The following NBAS variants were observed in gnomAD, a reference collection of about 807,000 sequenced individuals.
NBAS encodes NAG/BC035112 fusion.
In NBAS, 219 loss-of-function variants were observed where a neutral mutation model predicts 302.5. That is an observed-to-expected ratio of 0.72 (90% CI 0.65 to 0.81). The LOEUF (loss-of-function observed/expected upper bound fraction) is 0.81, where lower values mean the gene tolerates loss of function less well. Ranked by LOEUF, NBAS falls within the 30% of genes least tolerant of loss-of-function variation. The probability of loss-of-function intolerance (pLI) is 0.00; values close to 1 mark genes in which losing one functional copy is unlikely to be tolerated. For missense variants in NBAS, 2,932 were observed against 2,841.6 expected, an observed-to-expected ratio of 1.03 and a Z score of -0.72; for synonymous variants, 1,118 against 1,021.6, an observed-to-expected ratio of 1.09 and a Z score of -1.80.
chr2:14,846,801 C>CA, the NBAS span, among the ~76,000 whole-genome samples: 1 of 150,834 alleles, frequency 6.6e-6, no homozygotes, highest in South Asian at 2.1e-4. Flanking sequence ...AGCCTCAAAT[C>CA]AAAAAACATA....
Position 15,352,062 on chromosome 2 carries a change from T to C in NBAS, c.4109A>G (p.Asn1370Ser). The part of the protein sequence containing the change: ...LQTEILYQRV[N>S]FQIHHEGGEN... ...CCCTCCTTCATGATGGATCTGGAAA[T>C]TCACTCTTTGATAAAGAATCTAAAA... The change falls in exon 35 of 52, where the codon AAT (asparagine) becomes AGT (serine). Residue 1370 changes from asparagine (N) to serine (S), a missense_variant. By Grantham distance (46) the Asn-to-Ser change is conservative (BLOSUM62 1). Coordinates refer to ENST00000281513, the MANE Select transcript of NBAS (RefSeq NM_015909.4). 3.1e-6 allele frequency: 5 copies of C among 1,610,354 alleles called. No homozygotes were observed. Among genetic ancestry groups the C allele is most frequent in the Non-Finnish European group, 4.2e-6 (5 of 1,176,718 alleles).
intron 25 of NBAS, among the ~76,000 whole-genome samples, chr2:15,414,894 A>G (rs566417873): frequency 6.6e-6 from 1 of 152,286 alleles, no homozygotes; most frequent in East Asian, 1.9e-4. Flanking sequence ...GCAGTGAGCC[A>G]AGATCATGCC....
the NBAS span, among the ~76,000 whole-genome samples, chr2:14,845,889 C>T: frequency 6.6e-6 from 1 of 151,114 alleles, no homozygotes; most frequent in Non-Finnish European, 1.5e-5. Context: ...GAATAAAAAA[C>T]AAAGAAGCAA....
chr2:15,491,529 G>A (rs1408061979), intron 11 of NBAS, among the ~76,000 whole-genome samples: 1 of 152,170 alleles, frequency 6.6e-6, no homozygotes, highest in Non-Finnish European at 1.5e-5. Flanking sequence ...GAGGTCAGGA[G>A]ATCGAGACCA....
chr2:15,044,357 AC>A, the NBAS span, among the ~76,000 whole-genome samples: 1 of 152,048 alleles, frequency 6.6e-6, no homozygotes, highest in Non-Finnish European at 1.5e-5. Flanking sequence ...CAGCTCAGAA[AC>A]CCCCCGGTCC....
the NBAS span, among the ~76,000 whole-genome samples, chr2:15,032,307 T>C: frequency 6.6e-6 from 1 of 152,204 alleles, no homozygotes; most frequent in Non-Finnish European, 1.5e-5. Flanking sequence ...GAGACTGTTA[T>C]GAAGAAACTT....
intron 38 of NBAS, among the ~76,000 whole-genome samples, chr2:15,311,204 A>T (rs1671260278): frequency 6.6e-6 from 1 of 152,262 alleles, no homozygotes; most frequent in Non-Finnish European, 1.5e-5. Flanking sequence ...TACTCATATT[A>T]AGTGAGATAA....
chr2:15,200,614 TTA>T (rs1386723165), intron 48 of NBAS, among the ~76,000 whole-genome samples: 2 of 152,200 alleles, frequency 1.3e-5, no homozygotes, highest in Non-Finnish European at 2.9e-5. Flanking sequence ...CATCCTAGGA[TTA>T]TAAAGAACAA....
intron 5 of NBAS, among the ~76,000 whole-genome samples, chr2:15,551,916 C>A (rs891227197): frequency 4.6e-5 from 7 of 152,130 alleles, no homozygotes; most frequent in African/African-American, 1.7e-4. Context: ...AATTAAGAAC[C>A]ACTGGTCTGT....
the NBAS span, among the ~76,000 whole-genome samples, chr2:14,803,939 C>A: frequency 2.4e-3 from 366 of 152,264 alleles, no homozygotes; most frequent in African/African-American, 8.0e-3. Context: ...TGTGAGCCAC[C>A]GTGCCCAGCC....
intron 10 of NBAS, among the ~76,000 whole-genome samples, chr2:15,509,213 C>T (rs1237921751): frequency 6.6e-6 from 1 of 152,076 alleles, no homozygotes; most frequent in Admixed American, 6.6e-5. Context: ...GACAGAATTT[C>T]ATGGGGTGGC....
chr2:14,805,423 C>T, the NBAS span, among the ~76,000 whole-genome samples: 367 of 152,142 alleles, frequency 2.4e-3, no homozygotes, highest in African/African-American at 8.0e-3. Flanking sequence ...GATAAGGAGT[C>T]TGAACTTTAT....
intron 9 of NBAS, among the ~76,000 whole-genome samples, chr2:15,532,035 GCA>G (rs2148676317): frequency 6.6e-6 from 1 of 152,234 alleles, no homozygotes; most frequent in South Asian, 2.1e-4. Flanking sequence ...ACAGTATGTG[GCA>G]CAGAGTAGGA....
chr2:15,315,672 C>A (rs777610295), intron 38 of NBAS, among the ~76,000 whole-genome samples: 3 of 152,336 alleles, frequency 2.0e-5, no homozygotes, highest in Non-Finnish European at 2.9e-5. Context: ...CCACTCTCCA[C>A]AGGATTTGAG....
At chr2:14,868,183 G>A in the NBAS span, among the ~76,000 whole-genome samples, 2 of 152,210 alleles carry the variant, frequency 1.3e-5, no homozygotes. Context: ...AACAAAACTG[G>A]AAACTAAATC....
intron 14 of NBAS, among the ~76,000 whole-genome samples, chr2:15,475,419 G>A (rs1355531511): frequency 1.3e-5 from 2 of 151,964 alleles, no homozygotes; most frequent in Non-Finnish European, 2.9e-5. Flanking sequence ...ATTTTTAAAT[G>A]ACTAATCGAG....
the NBAS span, among the ~76,000 whole-genome samples, chr2:15,113,900 T>A: frequency 6.6e-6 from 1 of 151,992 alleles, no homozygotes; most frequent in African/African-American, 2.4e-5. Context: ...TAAATAGGCA[T>A]TGAGAATTAA....
At chr2:15,089,974 T>C in the NBAS span, among the ~76,000 whole-genome samples, 1 of 152,118 alleles carries the variant, frequency 6.6e-6, no homozygotes, top group African/African-American at 2.4e-5. Flanking sequence ...GGTCTTGAAC[T>C]CCTGACCTCA....
In NBAS at chr2:15,268,746, A is replaced by G. The variant is rs149421379; in HGVS notation, c.5724+6738T>C. ...AAAATAGCAGAAAACTGACATGGAA[A>G]ACAAAGCCACAGTCTCCAGGCCAAT... On this transcript the variant is annotated intron_variant, in intron 44 of 51. Coordinates refer to ENST00000281513, the MANE Select transcript of NBAS (RefSeq NM_015909.4). 2.7e-3 allele frequency among the ~76,000 whole-genome samples: 416 copies of G among 152,264 alleles called. 2 individuals carry two copies. Among genetic ancestry groups the G allele is most frequent in the African/African-American group, 9.5e-3 (393 of 41,554 alleles).
Sources: allele counts gnomAD v4.1 joint callset (sites outside exome capture counted in the v4.1 genomes callset), GRCh38; gene constraint gnomAD v4.1.1; transcripts MANE v1.5; gene names NCBI Gene and HGNC (gene_info 2026-07-23, HGNC 2026-07-21).